Variants in INTS6L observed in about 807,000 individuals in gnomAD.
INTS6L encodes integrator complex subunit 6-like.
In INTS6L, 18 loss-of-function variants were observed where a neutral mutation model predicts 64.7. The ratio of observed to expected loss-of-function variants is 0.28; its 90% CI spans 0.19 to 0.41. The LOEUF is 0.41. Ranked by LOEUF, INTS6L falls within the 10% of genes least tolerant of loss-of-function variation. The pLI, the probability that INTS6L is intolerant of heterozygous loss-of-function variation, is 1.00. For synonymous variants in INTS6L, 227 were observed against 235.9 expected (o/e 0.96, Z 0.34); for missense variants, 533 against 661.0 (o/e 0.81, Z 2.12).
At position 135,581,895 on chromosome X, in the gene INTS6L, G is replaced by A; in HGVS notation, c.*259G>A. 1.9e-5 allele frequency: 5 copies of A among 269,978 alleles called. No individual in the cohort carries two copies. Among genetic ancestry groups the A allele is most frequent in the East Asian group, 8.6e-5 (1 of 11,585 alleles). 22.2% of individuals were successfully genotyped at this position (269,978 alleles called of 1,213,427 possible). On this transcript the variant is annotated 3_prime_UTR_variant, in exon 18 of 18. Transcript: ENST00000639893. ...TGTTATTAATTCACAGGCTAAATTC[G>A]GTAAACACCACTGCCCCTACCACGG...
intron 2 of INTS6L, among the ~76,000 whole-genome samples, chrX:135,540,803 C>CTGGAGTGCAGTGGCATGA (rs781911505): frequency 2.8e-5 from 3 of 107,206 alleles, no homozygotes; most frequent in African/African-American, 3.4e-5. Flanking sequence ...GTCACCCAGG[C>CTGGAGTGCAGTGGCATGA]TGGAGTGCAG....
At chrX:135,573,882 C>T (rs1556529178) in intron 12 of INTS6L, 57 bp from the exon 13 acceptor site, 2 of 1,101,443 alleles carry the variant, frequency 1.8e-6, no homozygotes, top group East Asian at 3.1e-5. Flanking sequence ...ATAAGTATGA[C>T]ATTTCTATAT....
chrX:135,543,467 C>A (rs782705055), intron 2 of INTS6L, among the ~76,000 whole-genome samples: 9 of 111,760 alleles, frequency 8.1e-5, no homozygotes, highest in African/African-American at 2.9e-4. Context: ...ATCAGTATTT[C>A]TCAAATGTCC....
At chrX:135,525,963 T>C (rs1361248980) in intron 2 of INTS6L, among the ~76,000 whole-genome samples, 4 of 111,977 alleles carry the variant, frequency 3.6e-5, no homozygotes, top group Non-Finnish European at 5.6e-5. Context: ...AATAATTATT[T>C]TGAAATAAGA....
intron 9 of INTS6L, among the ~76,000 whole-genome samples, chrX:135,568,481 G>T (rs1159162237): frequency 2.7e-5 from 3 of 110,909 alleles, no homozygotes; most frequent in South Asian, 7.6e-4. Context: ...AAAAAAAAAT[G>T]CAGAGGCAGG....
intron 6 of INTS6L, among the ~76,000 whole-genome samples, chrX:135,548,044 AGT>A (rs1199675258): frequency 1.8e-5 from 1 of 55,903 alleles, no homozygotes; most frequent in Non-Finnish European, 3.4e-5. Context: ...TAAATGTGTA[AGT>A]GTATATATAT....
At chrX:135,543,019 A>G (rs1417291238) in intron 2 of INTS6L, among the ~76,000 whole-genome samples, 1 of 111,054 alleles carries the variant, frequency 9.0e-6, no homozygotes, top group African/African-American at 3.3e-5. Flanking sequence ...TACTTCCTTA[A>G]TCTGCAACCT....
At chrX:135,537,150 T>G (rs944197565) in intron 2 of INTS6L, among the ~76,000 whole-genome samples, 7 of 112,015 alleles carry the variant, frequency 6.2e-5, no homozygotes, top group Non-Finnish European at 1.3e-4. Flanking sequence ...TTTGCCCTTC[T>G]GAGGAGAAAA....
intron 4 of INTS6L, 28 bp downstream of exon 4, chrX:135,546,497 GT>G (rs1414334692): frequency 3.7e-6 from 4 of 1,082,566 alleles, no homozygotes; most frequent in East Asian, 6.3e-5. Flanking sequence ...TTTTAATTTT[GT>G]TTAAATGGCA....
intron 4 of INTS6L, 68 bp downstream of exon 4, chrX:135,546,537 C>T: frequency 1.0e-6 from 1 of 998,067 alleles, no homozygotes; most frequent in African/African-American, 1.9e-5. Context: ...CTGTGGGAGG[C>T]ATTTCCAGTT....
chrX:135,526,789 C>T (rs1223729412), intron 2 of INTS6L, among the ~76,000 whole-genome samples: 1 of 111,267 alleles, frequency 9.0e-6, no homozygotes, highest in East Asian at 2.8e-4. Flanking sequence ...AATATGTACT[C>T]AACAAATGGA....
chrX:135,544,098 C>G (rs1226752042), intron 2 of INTS6L, among the ~76,000 whole-genome samples: 1 of 112,118 alleles, frequency 8.9e-6, no homozygotes, highest in Non-Finnish European at 1.9e-5. Flanking sequence ...AGGTTGTGTT[C>G]TGTTTAACCC....
At position 135,552,031 on chromosome X, in the gene INTS6L, G is replaced by A. The variant is rs1556517202; in HGVS notation, c.944G>A (p.Cys315Tyr). ...TCTCATCCTGTTGTGAGGTTCTCCT[G>A]TGTAGATTGTGAGCCAATGGTAATA... ...RTSHPVVRFS[C>Y]VDCEPMVIDK... is the part of the protein sequence containing the mutation. Residue 315 changes from cysteine (C) to tyrosine (Y), a missense_variant, in exon 8 of 18, where the codon TGT (cysteine) becomes TAT (tyrosine). By Grantham distance (194) the Cys-to-Tyr change is radical. Transcript: ENST00000639893. 1.7e-6 allele frequency: 2 copies of A among 1,205,150 alleles called. No homozygotes were observed. The highest frequency in any genetic ancestry group is 3.6e-5 in the South Asian group (2 of 55,474).
At chrX:135,568,727 T>C (rs897844005) in intron 9 of INTS6L, among the ~76,000 whole-genome samples, 1 of 110,035 alleles carries the variant, frequency 9.1e-6, no homozygotes, top group Admixed American at 9.7e-5. Flanking sequence ...ATTTTTTTTA[T>C]AGAGACAGGG....
chrX:135,558,080 T>TA (rs1474861403), intron 9 of INTS6L, among the ~76,000 whole-genome samples: 3 of 111,493 alleles, frequency 2.7e-5, no homozygotes, highest in African/African-American at 9.8e-5. Context: ...ATTACAGAAA[T>TA]GCAAATCAAA....
At chrX:135,540,034 A>C (rs1315068105) in intron 2 of INTS6L, among the ~76,000 whole-genome samples, 4 of 112,598 alleles carry the variant, frequency 3.6e-5, no homozygotes, top group African/African-American at 9.7e-5. Flanking sequence ...CAAAGTGAGC[A>C]CATGCTGTTG....
intron 2 of INTS6L, among the ~76,000 whole-genome samples, chrX:135,533,579 G>A (rs1253718778): frequency 2.7e-5 from 3 of 109,245 alleles, no homozygotes; most frequent in Non-Finnish European, 1.9e-5. Context: ...CCCACCCAGT[G>A]TGTGTGGTTC....
intron 10 of INTS6L, 174 bp from the exon 11 acceptor site, chrX:135,570,262 G>T: frequency 1.1e-5 from 4 of 356,317 alleles, no homozygotes; most frequent in Non-Finnish European, 1.9e-5. Flanking sequence ...TTTACTTTCT[G>T]CTCCTTACTT....
chrX:135,556,163 C>T lies in INTS6L; in HGVS notation c.1060-5C>T, dbSNP rs782802808. The T allele has an allele frequency of 2.1e-4, 249 of 1,170,496 alleles. No homozygotes were observed. The highest frequency in any genetic ancestry group is 2.8e-4 in the Non-Finnish European group (246 of 878,602). On this transcript the variant is annotated splice_region_variant and splice_polypyrimidine_tract_variant and intron_variant, in intron 8 of 17. Transcript: ENST00000639893. ...TCACTGTGCATTACTTCATGTTATT[C>T]TCAGGTATTTGTTACTAGCAGTGGA... is the stretch of plus-strand genomic sequence containing the variant.
Sources: allele counts gnomAD v4.1 joint callset (sites outside exome capture counted in the v4.1 genomes callset), GRCh38; gene constraint gnomAD v4.1.1; transcripts MANE v1.5; gene names NCBI Gene and HGNC (gene_info 2026-07-23, HGNC 2026-07-21).